The following GATAD2A variants were observed in gnomAD, a reference collection of about 807,000 sequenced individuals.
GATAD2A encodes transcriptional repressor p66-alpha.
In GATAD2A, 12 loss-of-function variants were observed where a neutral mutation model predicts 68.5. That is an observed-to-expected ratio of 0.18 (90% CI 0.11 to 0.28). The LOEUF is 0.28. GATAD2A is among the 10% of genes least tolerant of loss of function. The pLI is 1.00. For synonymous variants in GATAD2A, 410 were observed against 375.3 expected, an observed-to-expected ratio of 1.09 and a Z score of -1.07; for missense variants, 755 against 868.5, an observed-to-expected ratio of 0.87 and a Z score of 1.64.
intron 1 of GATAD2A, among the ~76,000 whole-genome samples, chr19:19,442,249 A>G (rs1317157333): frequency 6.6e-6 from 1 of 152,220 alleles, no homozygotes; most frequent in Non-Finnish European, 1.5e-5. Context: ...GTTGTATCAG[A>G]AGGACCCACA....
intron 11 of GATAD2A, among the ~76,000 whole-genome samples, chr19:19,503,644 CTGTGTGTGTGTGTG>C (rs58706182): frequency 2.4e-4 from 36 of 148,716 alleles, no homozygotes; most frequent in Non-Finnish European, 4.9e-4. Flanking sequence ...CATCTGGAAG[CTGTGTGTGTGTGTG>C]TGTGTGTGTG....
intron 11 of GATAD2A, among the ~76,000 whole-genome samples, chr19:19,504,990 C>A (rs536747147): frequency 5.9e-5 from 9 of 152,286 alleles, no homozygotes; most frequent in African/African-American, 2.2e-4. Flanking sequence ...GCATTATTGT[C>A]CTGTTGCACA....
intron 8 of GATAD2A, among the ~76,000 whole-genome samples, chr19:19,500,052 C>T (rs541835337): frequency 2.0e-5 from 3 of 152,342 alleles, no homozygotes; most frequent in Middle Eastern, 3.4e-3. Context: ...TGCGGGCATC[C>T]GCTCTCCCAG....
At chr19:19,436,063 G>C (rs2054301722) in intron 1 of GATAD2A, 2 of 801,730 alleles carry the variant, frequency 2.5e-6, no homozygotes, top group African/African-American at 1.8e-5. Context: ...AGACATTTTA[G>C]AAATGCCAGT....
intron 1 of GATAD2A, among the ~76,000 whole-genome samples, chr19:19,398,303 A>G: frequency 6.6e-6 from 1 of 151,950 alleles, no homozygotes; most frequent in Admixed American, 6.6e-5. Flanking sequence ...TCCCGGGTTC[A>G]AGCAATTCTC....
intron 1 of GATAD2A, among the ~76,000 whole-genome samples, chr19:19,387,872 C>A (rs965749059): frequency 6.6e-6 from 1 of 152,076 alleles, no homozygotes; most frequent in Non-Finnish European, 1.5e-5. Context: ...AAGTGTGTCT[C>A]CCCTTTTCCA....
intron 2 of GATAD2A, among the ~76,000 whole-genome samples, chr19:19,467,333 G>A (rs980157007): frequency 5.3e-5 from 8 of 152,098 alleles, no homozygotes; most frequent in African/African-American, 1.7e-4. Flanking sequence ...CCGAGATCGC[G>A]CCACTGTACT....
At position 19,415,618 on chromosome 19, in the gene GATAD2A, A is replaced by T. The variant is rs868193646; in HGVS notation, c.-7+9599A>T. ...GCGTGCGCCACCATGCCGGGCTAAT[A>T]TTTTTTTTTTTTTTTTTTTTGAGAC... On this transcript the variant is annotated intron_variant, in intron 1 of 11. Transcript: ENST00000683918. Among the ~76,000 whole-genome samples, 153 of 118,016 alleles carry T rather than the reference A, an allele frequency of 1.3e-3. No homozygotes were observed. The South Asian group carries it at 0.015, about 11-fold the overall frequency. The allele number at this position is 118,016 out of a possible 152,430, so 77.4% of individuals were successfully genotyped here. A position where few individuals can be genotyped will look rare whatever the true frequency, so the allele number is the denominator to read the frequency against.
At chr19:19,500,116 C>T in intron 8 of GATAD2A, among the ~76,000 whole-genome samples, 1 of 152,234 alleles carries the variant, frequency 6.6e-6, no homozygotes, top group East Asian at 1.9e-4. Flanking sequence ...TCTCCTGTTG[C>T]CAAGGATAGG....
chr19:19,394,912 C>T (rs1314705856), intron 1 of GATAD2A, among the ~76,000 whole-genome samples: 1 of 152,030 alleles, frequency 6.6e-6, no homozygotes, highest in South Asian at 2.1e-4. Context: ...GCCTCGAGGG[C>T]AAGAGGGAGG....
intron 1 of GATAD2A, among the ~76,000 whole-genome samples, chr19:19,394,538 C>A (rs1449459328): frequency 6.6e-6 from 1 of 151,484 alleles, no homozygotes; most frequent in East Asian, 1.9e-4. Context: ...CTCTGCCTCC[C>A]AGGTTCAAGC....
rs1354249692 is a variant in GATAD2A at position 19,466,822 on chromosome 19, TAG to T, written c.269+1209_269+1210del. The stretch of plus-strand genomic sequence containing the variant: ...TTCTAAAGTTCCAGAAATAAAACTA[TAG>T]GTCCAAGTCTCCTTTTCCTTTCTCT... On this transcript the variant is annotated intron_variant, in intron 2 of 11. Transcript: ENST00000683918. Among the ~76,000 whole-genome samples the T allele has an allele frequency of 6.1e-4, 93 of 152,222 alleles. 1 individual carries two copies. Among genetic ancestry groups the T allele is most frequent in the Admixed American group, 6.1e-3 (93 of 15,284 alleles).
At chr19:19,499,794 G>A (rs1450136656) in intron 8 of GATAD2A, among the ~76,000 whole-genome samples, 2 of 152,184 alleles carry the variant, frequency 1.3e-5, no homozygotes, top group Non-Finnish European at 2.9e-5. Flanking sequence ...AGTCGCTCTC[G>A]TAACTCCCGG....
chr19:19,417,886 C>T (rs1342048298), intron 1 of GATAD2A, among the ~76,000 whole-genome samples: 2 of 152,154 alleles, frequency 1.3e-5, no homozygotes, highest in African/African-American at 4.8e-5. Context: ...GAGTGCCTTC[C>T]CTGCTCGACC....
At chr19:19,413,370 G>A (rs997229067) in intron 1 of GATAD2A, among the ~76,000 whole-genome samples, 1 of 152,116 alleles carries the variant, frequency 6.6e-6, no homozygotes, top group Admixed American at 6.6e-5. Context: ...CGTCACTCTC[G>A]AGACCTGTGC....
At chr19:19,388,563 A>G (rs949316798) in intron 1 of GATAD2A, among the ~76,000 whole-genome samples, 3 of 151,734 alleles carry the variant, frequency 2.0e-5, no homozygotes, top group African/African-American at 2.4e-5. Flanking sequence ...GACCTGCTAG[A>G]TTTGGGGGAG....
At chr19:19,408,685 T>C (rs757203700) in intron 1 of GATAD2A, among the ~76,000 whole-genome samples, 1 of 152,220 alleles carries the variant, frequency 6.6e-6, no homozygotes, top group Non-Finnish European at 1.5e-5. Flanking sequence ...AATATCAGAG[T>C]GCATACTGTG....
In GATAD2A at chr19:19,506,847, G is replaced by A. The variant is rs1054308; in HGVS notation, c.*1373G>A. On this transcript the variant is annotated 3_prime_UTR_variant, in exon 12 of 12. Transcript: ENST00000683918. ...GTCTCCATGAGTTCTGGGCTCCACT[G>A]GTTCCAATTGAGCTCCAGCCCTGGT... is the stretch of plus-strand genomic sequence containing the variant. The A allele has an allele frequency of 0.049, 7,451 of 152,240 alleles. 251 individuals are homozygous for A. The highest frequency in any genetic ancestry group is 0.13 in the East Asian group (653 of 5,176). The allele number at this position is 152,240 out of a possible 1,614,324, so 9.4% of individuals were successfully genotyped here.
At chr19:19,502,273 T>C in intron 10 of GATAD2A, 58 bp from the exon 11 acceptor site, 1 of 1,337,860 alleles carries the variant, frequency 7.5e-7, no homozygotes, top group Admixed American at 1.8e-5. Context: ...GCGCTGAGTG[T>C]CTCGCCTGCT....
Sources: allele counts gnomAD v4.1 joint callset (sites outside exome capture counted in the v4.1 genomes callset), GRCh38; gene constraint gnomAD v4.1.1; transcripts MANE v1.5; gene names NCBI Gene and HGNC (gene_info 2026-07-23, HGNC 2026-07-21).